Variants in KCND3 observed in about 807,000 individuals in gnomAD.
KCND3 encodes the protein A-type voltage-gated potassium channel KCND3.
A neutral mutation model predicts 51.1 loss-of-function variants in KCND3; 9 were observed. The observed-to-expected ratio is 0.18, with a 90% CI of 0.11 to 0.31. The LOEUF (loss-of-function observed/expected upper bound fraction) is 0.31. KCND3 is among the 10% of genes least tolerant of loss of function. The pLI is 1.00. For missense variants in KCND3, 526 were observed against 903.8 expected, an observed-to-expected ratio of 0.58 and a Z score of 5.36; for synonymous variants, 349 against 368.0, an observed-to-expected ratio of 0.95 and a Z score of 0.59.
At chr1:111,970,201 G>C (rs189211294) in intron 2 of KCND3, among the ~76,000 whole-genome samples, 1 of 152,174 alleles carries the variant, frequency 6.6e-6, no homozygotes, top group Admixed American at 6.5e-5. Context: ...ATTTTTAGTA[G>C]AGACAGGGTT....
At chr1:111,907,536 G>A (rs1239019466) in intron 2 of KCND3, among the ~76,000 whole-genome samples, 1 of 152,192 alleles carries the variant, frequency 6.6e-6, no homozygotes, top group Admixed American at 6.5e-5. Context: ...CTGCAGCTCT[G>A]GCTGACATCC....
chr1:111,792,683 A>G (rs1225128511), intron 2 of KCND3, among the ~76,000 whole-genome samples: 1 of 152,108 alleles, frequency 6.6e-6, no homozygotes, highest in Non-Finnish European at 1.5e-5. Context: ...TTGATCAATT[A>G]ATAGTACCTA....
intron 2 of KCND3, among the ~76,000 whole-genome samples, chr1:111,856,550 A>T (rs946033988): frequency 3.9e-5 from 6 of 152,152 alleles, no homozygotes; most frequent in African/African-American, 1.4e-4. Flanking sequence ...TGTCTCTCTC[A>T]GCCTCCCTCA....
chr1:111,877,416 G>A (rs1391658018), intron 2 of KCND3, among the ~76,000 whole-genome samples: 1 of 152,244 alleles, frequency 6.6e-6, no homozygotes, highest in Non-Finnish European at 1.5e-5. Flanking sequence ...GGGGTGCCCT[G>A]GGGATGGGGA....
intron 2 of KCND3, among the ~76,000 whole-genome samples, chr1:111,894,466 C>T (rs576004045): frequency 1.3e-5 from 2 of 152,312 alleles, no homozygotes; most frequent in South Asian, 4.1e-4. Flanking sequence ...TCATCTTAGT[C>T]ATCTGTACAT....
At chr1:111,962,066 G>A (rs1371911223) in intron 2 of KCND3, among the ~76,000 whole-genome samples, 5 of 152,200 alleles carry the variant, frequency 3.3e-5, no homozygotes, top group African/African-American at 1.2e-4. Context: ...GGGCAGGAGA[G>A]CTCATCCAAG....
intron 2 of KCND3, among the ~76,000 whole-genome samples, chr1:111,836,552 G>A (rs528743929): frequency 4.6e-5 from 7 of 152,280 alleles, no homozygotes; most frequent in Non-Finnish European, 7.4e-5. Context: ...TTTGTTTCCT[G>A]TGAGGGTGGG....
chr1:111,891,039 G>A (rs1327429575), intron 2 of KCND3, among the ~76,000 whole-genome samples: 1 of 152,154 alleles, frequency 6.6e-6, no homozygotes, highest in East Asian at 1.9e-4. Context: ...GAGACCACAG[G>A]TCTGGGCACC....
chr1:111,882,277 G>A (rs1432046753), intron 2 of KCND3, among the ~76,000 whole-genome samples: 3 of 152,236 alleles, frequency 2.0e-5, no homozygotes, highest in Non-Finnish European at 4.4e-5. Flanking sequence ...GAGGCATGGG[G>A]CACTCCTCAT....
intron 2 of KCND3, among the ~76,000 whole-genome samples, chr1:111,902,471 GAC>G (rs1670432408): frequency 6.6e-6 from 1 of 152,172 alleles, no homozygotes; most frequent in Non-Finnish European, 1.5e-5. Context: ...TCCTGGGTAG[GAC>G]ACAGTGTCTA....
At chr1:111,966,658 G>A (rs943972708) in intron 2 of KCND3, among the ~76,000 whole-genome samples, 1 of 152,174 alleles carries the variant, frequency 6.6e-6, no homozygotes, top group African/African-American at 2.4e-5. Context: ...AGGTCCTCTT[G>A]ACACAGAGTC....
At chr1:111,944,291 A>G (rs12057253) in intron 2 of KCND3, among the ~76,000 whole-genome samples, 6,611 of 152,234 alleles carry the variant, frequency 0.043, 460 homozygotes, top group African/African-American at 0.15. Context: ...AGAGCTGGCA[A>G]TGGCTGTGCT....
chr1:111,890,002 G>T (rs904868185), intron 2 of KCND3, among the ~76,000 whole-genome samples: 1 of 152,128 alleles, frequency 6.6e-6, no homozygotes, highest in Non-Finnish European at 1.5e-5. Flanking sequence ...ATGGCTGGTC[G>T]GGAGGGACTA....
chr1:111,784,103 T>TCACACACACACACACACACACACA (rs369429634), intron 3 of KCND3, among the ~76,000 whole-genome samples: 7 of 117,564 alleles, frequency 6.0e-5, no homozygotes, highest in Middle Eastern at 4.1e-3. Flanking sequence ...CATTAACTTA[T>TCACACACACACACACACACACACA]CACACACACA....
intron 2 of KCND3, among the ~76,000 whole-genome samples, chr1:111,892,743 AATTG>A (rs1326565686): frequency 4.6e-5 from 7 of 152,242 alleles, no homozygotes; most frequent in African/African-American, 9.6e-5. Context: ...TCTGACAGTT[AATTG>A]ATTGATTAAT....
At chr1:111,905,757 C>T (rs560158406) in intron 2 of KCND3, among the ~76,000 whole-genome samples, 2 of 152,232 alleles carry the variant, frequency 1.3e-5, no homozygotes, top group Admixed American at 1.3e-4. Context: ...ATCAGAATCA[C>T]CTGGGCAGTT....
chr1:111,962,603 C>T (rs749133256), intron 2 of KCND3, among the ~76,000 whole-genome samples: 11 of 152,220 alleles, frequency 7.2e-5, no homozygotes, highest in Non-Finnish European at 1.6e-4. Context: ...GTAGAAACAA[C>T]TTGGACTTTT....
chr1:111,889,884 G>C (rs1470034181), intron 2 of KCND3, among the ~76,000 whole-genome samples: 1 of 152,164 alleles, frequency 6.6e-6, no homozygotes, highest in Non-Finnish European at 1.5e-5. Context: ...ATCTGAGGGG[G>C]ACAGCCCTGA....
intron 2 of KCND3, among the ~76,000 whole-genome samples, chr1:111,865,077 T>C (rs914604556): frequency 2.0e-5 from 3 of 152,184 alleles, no homozygotes; most frequent in African/African-American, 7.2e-5. Context: ...TCCTTGGCCA[T>C]GGTGCTGAAT....
Sources: allele counts gnomAD v4.1 joint callset (sites outside exome capture counted in the v4.1 genomes callset), GRCh38; gene constraint gnomAD v4.1.1; transcripts MANE v1.5; gene names NCBI Gene and HGNC (gene_info 2026-07-23, HGNC 2026-07-21).